Variants in GPX5 observed in about 807,000 individuals in gnomAD.
GPX5 encodes epididymal secretory glutathione peroxidase.
A neutral mutation model predicts 23.8 loss-of-function variants in GPX5; 20 were observed. That is an observed-to-expected ratio of 0.84 (90% confidence interval 0.59 to 1.22). The LOEUF (loss-of-function observed/expected upper bound fraction) is 1.22, where lower values mean the gene tolerates loss of function less well. Among genes scored for constraint, GPX5 ranks in the 50% most tolerant of loss-of-function variants. The pLI, the probability that GPX5 is intolerant of heterozygous loss-of-function variation, is 0.00. For synonymous variants in GPX5, 92 were observed against 99.5 expected (o/e 0.92, Z 0.45); for missense variants, 230 against 266.6 (o/e 0.86, Z 0.96).
rs4624865 is a variant in GPX5 at position 28,525,919 on chromosome 6, G to C, written c.-95G>C. 15,015 of 887,420 alleles carry C rather than the reference G, an allele frequency of 0.017. 202 individuals carry two copies. The highest frequency in any genetic ancestry group is 0.022 in the Non-Finnish European group (11,687 of 531,938). 55.0% of individuals were successfully genotyped at this position (887,420 alleles called of 1,614,324 possible). A position where few individuals can be genotyped will look rare whatever the true frequency, so the allele number is the denominator to read the frequency against. ...CCTTGCAGCCCTGTGACTGGCCTGT[G>C]GGGGCTTGGGCTAAGTCCCTGCCAA... On this transcript the variant is annotated 5_prime_UTR_variant, in exon 1 of 5. Transcript: ENST00000412168.
rs28402737 is a variant in GPX5 at position 28,534,324 on chromosome 6, A to C, written c.*157A>C. The C allele has an allele frequency of 2.0e-6, 1 of 491,324 alleles. No homozygotes were observed. The highest frequency in any genetic ancestry group is 3.6e-6 in the Non-Finnish European group (1 of 281,362). The allele number at this position is 491,324 out of a possible 1,614,324, so 30.4% of individuals were successfully genotyped here. ...ACCGCCACATACTGCCAGAATTCCC[A>C]CTCTCCACAAACTAGATTTATATTT... is the stretch of plus-strand genomic sequence containing the variant. On this transcript the variant is annotated 3_prime_UTR_variant, in exon 5 of 5. Coordinates refer to ENST00000412168, the MANE Select transcript of GPX5 (RefSeq NM_001509.3).
In GPX5 at chr6:28,533,972, T is replaced by G. The variant is rs1284734567; in HGVS notation, c.471T>G (p.Pro157=). The G allele has an allele frequency of 6.3e-7, 1 of 1,588,798 alleles. No homozygotes were observed. Among genetic ancestry groups the G allele is most frequent in the East Asian group, 2.3e-5 (1 of 44,148 alleles). ...KVFSFLKHSC[P]HPSEILGTFK... ...TCTCTCTGGTTTAGCACTCCTGTCCTCATCCCTCTGAGATTTTGGGCACAT... is the reference window on the plus strand; with the variant it reads ...TCTCTCTGGTTTAGCACTCCTGTCCGCATCCCTCTGAGATTTTGGGCACAT... Residue 157 remains proline, a synonymous_variant, in exon 5 of 5, where the codon CCT becomes CCG. Coordinates refer to ENST00000412168, the MANE Select transcript of GPX5 (RefSeq NM_001509.3).
Position 28,532,405 on chromosome 6 carries a change from CT to C in GPX5, c.446del (p.Phe149SerfsTer4), listed in dbSNP as rs1763345535. The C allele has an allele frequency of 6.3e-7, 1 of 1,582,794 alleles. No homozygotes were observed. The highest frequency in any genetic ancestry group is 1.2e-5 in the South Asian group (1 of 85,874). On this transcript the variant is annotated frameshift_variant, in exon 4 of 5. Transcript: ENST00000412168. LOFTEE classifies it high-confidence loss of function. Reference protein sequence around the residue: ...DVNGEKEQKVFSFLKHSCPHP... With the variant: ...DVNGEKEQKVXSFLKHSCPHP... ...TGAATGGTGAAAAAGAACAGAAAGT[CT>C]TCAGTTTCTTGAAGGTGAGTAAATT...
At chr6:28,532,698 C>A (rs1247395245) in intron 4 of GPX5, among the ~76,000 whole-genome samples, 1 of 152,204 alleles carries the variant, frequency 6.6e-6, no homozygotes, top group Admixed American at 6.5e-5. Context: ...TTCATTAATT[C>A]ATTCCAGGTA....
intron 2 of GPX5, among the ~76,000 whole-genome samples, chr6:28,529,833 A>T (rs927181947): frequency 3.3e-5 from 5 of 152,178 alleles, no homozygotes; most frequent in African/African-American, 4.8e-5. Context: ...GTCCCCGTTC[A>T]TTTACACATC....
chr6:28,532,601 T>C (rs1763349511), intron 4 of GPX5, among the ~76,000 whole-genome samples, 181 bp downstream of exon 4: 1 of 152,182 alleles, frequency 6.6e-6, no homozygotes, highest in East Asian at 1.9e-4. Flanking sequence ...TGTGAGTATC[T>C]ATGGGGCTCT....
At chr6:28,527,179 A>G (rs146777198) in intron 1 of GPX5, 1 of 152,334 alleles carries the variant, frequency 6.6e-6, no homozygotes, top group East Asian at 1.9e-4. Flanking sequence ...GAAGTCTTCA[A>G]ATTGAGAGTC....
rs1449945632 is a variant in GPX5 at position 28,534,136 on chromosome 6, T to C, written c.635T>C (p.Leu212Pro). 1.7e-5 allele frequency: 28 copies of C among 1,602,616 alleles called. No individual in the cohort carries two copies. The highest frequency in any genetic ancestry group is 2.4e-5 in the Non-Finnish European group (28 of 1,175,248). The change falls in exon 5 of 5, where the codon CTG (leucine) becomes CCG (proline). Residue 212 changes from leucine (L) to proline (P), a missense_variant. Coordinates refer to ENST00000412168, the MANE Select transcript of GPX5 (RefSeq NM_001509.3). ...ATVSSVKTDI[L>P]AYLKQFKTK ...GTCAGCTCAGTCAAGACAGACATCC[T>C]GGCGTACTTGAAGCAATTCAAAACC... is the stretch of plus-strand genomic sequence containing the variant.
chr6:28,534,216 T>C lies in GPX5; in HGVS notation c.*49T>C. 7.4e-7 allele frequency: 1 copy of C among 1,355,860 alleles called. No homozygotes were observed. The highest frequency in any genetic ancestry group is 1.0e-6 in the Non-Finnish European group (1 of 997,672). The allele number at this position is 1,355,860 out of a possible 1,614,324, so 84.0% of individuals were successfully genotyped here. A position where few individuals can be genotyped will look rare whatever the true frequency, so the allele number is the denominator to read the frequency against. ...CAACCCTACTTCTCACCTAATGACT[T>C]GCTCTCCCCACCCCTCCAAAAAAAA... is the stretch of plus-strand genomic sequence containing the variant. On this transcript the variant is annotated 3_prime_UTR_variant, in exon 5 of 5. Transcript: ENST00000412168.
intron 2 of GPX5, 49 bp from the exon 3 acceptor site, chr6:28,531,729 C>T (rs1763326263): frequency 8.1e-6 from 10 of 1,239,192 alleles, no homozygotes; most frequent in South Asian, 6.4e-5. Flanking sequence ...CATCCTTGCA[C>T]AAGGCAGAAC....
rs1562010945 is a variant in GPX5, at chr6:28,532,322, TA to T, written c.362del (p.Tyr121LeufsTer20). On this transcript the variant is annotated frameshift_variant and splice_region_variant, in exon 4 of 5. Coordinates refer to ENST00000412168, the MANE Select transcript of GPX5 (RefSeq NM_001509.3). LOFTEE classifies it high-confidence loss of function. ...DNKEILPGLK[Y>X]VRPGGGFVPS... ...TGGGAACATTATGGCTTGTTGCAGGTATGTCCGTCCAGGGGGAGGATTTGTA... is the reference window on the plus strand; with the variant it reads ...TGGGAACATTATGGCTTGTTGCAGGTTGTCCGTCCAGGGGGAGGATTTGTA... The T allele has an allele frequency of 1.3e-6, 2 of 1,556,720 alleles. No individual in the cohort carries two copies. Among genetic ancestry groups the T allele is most frequent in the South Asian group, 2.5e-5 (2 of 81,242 alleles).
chr6:28,528,795 G>A (rs181502032), intron 1 of GPX5, among the ~76,000 whole-genome samples: 8,474 of 128,076 alleles, frequency 0.066, 405 homozygotes, highest in African/African-American at 0.096. Flanking sequence ...ATATATATGT[G>A]TATATATATA....
intron 1 of GPX5, chr6:28,526,906 A>G (rs1201867174): frequency 1.3e-5 from 2 of 152,224 alleles, no homozygotes; most frequent in African/African-American, 4.8e-5. Flanking sequence ...ATTATTATGC[A>G]TATAATACAT....
intron 4 of GPX5, among the ~76,000 whole-genome samples, chr6:28,533,036 G>T (rs1029006767): frequency 6.6e-5 from 10 of 152,274 alleles, no homozygotes; most frequent in African/African-American, 2.4e-4. Context: ...CCAGAGGATT[G>T]CTTGAGCTCC....
chr6:28,531,775 C>T lies in GPX5; in HGVS notation c.242-3C>T. ...ACCAAAATTGTTCCTCCTCTAACTG[C>T]AGAACTAAATGCACTCCAGGAGGAG... On this transcript the variant is annotated splice_polypyrimidine_tract_variant and splice_region_variant and intron_variant, in intron 2 of 4. Coordinates refer to ENST00000412168, the MANE Select transcript of GPX5 (RefSeq NM_001509.3). 1.9e-6 allele frequency: 3 copies of T among 1,594,988 alleles called. No homozygotes were observed. Among genetic ancestry groups the T allele is most frequent in the Non-Finnish European group, 2.6e-6 (3 of 1,166,798 alleles).
rs558480405 is a variant in GPX5, at chr6:28,527,254, G to GA, written c.87+1164dup. 1.9e-4 allele frequency among the ~76,000 whole-genome samples: 27 copies of GA among 144,060 alleles called. No homozygotes were observed. In the East Asian group the frequency reaches 3.2e-3, roughly 17 times the overall value. 94.5% of individuals were successfully genotyped at this position (144,060 alleles called of 152,430 possible). On this transcript the variant is annotated intron_variant, in intron 1 of 4. Coordinates refer to ENST00000412168, the MANE Select transcript of GPX5 (RefSeq NM_001509.3). The stretch of plus-strand genomic sequence containing the variant: ...AGTGATTGTCATTGCAGTAGCAAAA[G>GA]AAAAAAAAAAGGCAAATTCTTGCAA...
Position 28,534,859 on chromosome 6 carries a change from T to C in GPX5, c.*692T>C, listed in dbSNP as rs530448042. On this transcript the variant is annotated 3_prime_UTR_variant, in exon 5 of 5. Transcript: ENST00000412168. The stretch of plus-strand genomic sequence containing the variant: ...CCTGGAGAGGAATGCCCTTTATCTT[T>C]TGAAGGATGGGATTTCCCATCTCAA... The C allele has an allele frequency of 2.0e-5, 3 of 152,314 alleles. No individual in the cohort carries two copies. Among genetic ancestry groups the C allele is most frequent in the East Asian group, 1.9e-4 (1 of 5,178 alleles). 9.4% of individuals were successfully genotyped at this position (152,314 alleles called of 1,614,324 possible). A position where few individuals can be genotyped will look rare whatever the true frequency, so the allele number is the denominator to read the frequency against.
intron 2 of GPX5, chr6:28,529,864 T>C: frequency 2.8e-6 from 1 of 353,620 alleles, no homozygotes; most frequent in Non-Finnish European, 5.1e-6. Context: ...GCTTTCATGC[T>C]GTAAAATAGA....
rs113853241 is a variant in GPX5 at position 28,526,874 on chromosome 6, C to A, written c.87+774C>A. On this transcript the variant is annotated intron_variant, in intron 1 of 4. Transcript: ENST00000412168. ...GTAAATTTATGGGTAACAGTAACTACCTTATGGGTGGGTGAATAACAATTA... is the reference window on the plus strand; with the variant it reads ...GTAAATTTATGGGTAACAGTAACTAACTTATGGGTGGGTGAATAACAATTA... 4.0e-3 allele frequency among the ~76,000 whole-genome samples: 604 copies of A among 152,256 alleles called. 4 individuals are homozygous for A. The highest frequency in any genetic ancestry group is 0.013 in the African/African-American group (540 of 41,554).
Sources: gnomAD v4.1 joint callset for allele counts (sites outside exome capture counted in the v4.1 genomes callset) on GRCh38, gnomAD v4.1.1 for gene constraint, MANE v1.5 for transcripts, NCBI Gene and HGNC (gene_info 2026-07-23, HGNC 2026-07-21) for gene names.